RUNX2: variants seen among roughly 807,000 people sequenced by gnomAD.
RUNX2 encodes RUNX family transcription factor 2, also known as runt-related transcription factor 2.
RUNX2 carries 10 observed loss-of-function variants against 51.7 expected under a neutral mutation model. The observed-to-expected ratio is 0.19, with a 90% CI of 0.12 to 0.33. The LOEUF is 0.33. Among genes scored for constraint, RUNX2 ranks in the 10% least tolerant of loss-of-function variants. RUNX2 has a pLI of 1.00. For missense variants in RUNX2, 562 were observed against 691.3 expected (o/e 0.81, Z 2.10); for synonymous variants, 276 against 273.6 (o/e 1.01, Z -0.09).
chr6:45,351,852 C>A (rs767824286), intron 2 of RUNX2, among the ~76,000 whole-genome samples: 24 of 152,122 alleles, frequency 1.6e-4, no homozygotes, highest in Non-Finnish European at 3.1e-4. Flanking sequence ...CTGCTGAGCA[C>A]TTTGAAAAAG....
At position 45,426,171 on chromosome 6, in the gene RUNX2, T is replaced by C. The variant is rs1417218327; in HGVS notation, c.423+3214T>C. Among the ~76,000 whole-genome samples, 9 of 152,186 alleles carry C rather than the reference T, an allele frequency of 5.9e-5. No homozygotes were observed. The East Asian group carries it at 1.5e-3, about 26-fold the overall frequency. ...TTACATGTAAAAATGCAAAAACAAC[T>C]GGTATACTTTATATAAAGTTGTTTA... On this transcript the variant is annotated intron_variant, in intron 3 of 8. Transcript: ENST00000647337.
chr6:45,381,852 C>T (rs1246259218), intron 2 of RUNX2, among the ~76,000 whole-genome samples: 1 of 152,072 alleles, frequency 6.6e-6, no homozygotes, highest in Non-Finnish European at 1.5e-5. Context: ...CCCCTACCTT[C>T]CAATTGCATT....
chr6:45,479,476 T>G (rs946778228), intron 5 of RUNX2, among the ~76,000 whole-genome samples: 1 of 152,328 alleles, frequency 6.6e-6, no homozygotes, highest in African/African-American at 2.4e-5. Context: ...CCTAATTACC[T>G]GGATAGAGAC....
intron 2 of RUNX2, among the ~76,000 whole-genome samples, chr6:45,400,145 GGGAAGGAAGGAAAGAA>G (rs982307259): frequency 5.2e-5 from 7 of 133,468 alleles, no homozygotes; most frequent in South Asian, 2.7e-4. Flanking sequence ...GAGGGAGGGA[GGGAAGGAAGGAAAGAA>G]GGAAGGAAGG....
At chr6:45,386,068 CTT>C (rs112684794) in intron 2 of RUNX2, among the ~76,000 whole-genome samples, 11 of 134,938 alleles carry the variant, frequency 8.2e-5, no homozygotes, top group African/African-American at 1.1e-4. Context: ...CTTATTAGTG[CTT>C]TTTTTTTTTT....
At chr6:45,339,157 G>C (rs1411511126) in intron 2 of RUNX2, among the ~76,000 whole-genome samples, 2 of 151,938 alleles carry the variant, frequency 1.3e-5, no homozygotes, top group Admixed American at 1.3e-4. Context: ...TTGACTATAA[G>C]GCTTTAAGAA....
At chr6:45,376,011 T>C (rs1796725081) in intron 2 of RUNX2, among the ~76,000 whole-genome samples, 1 of 152,138 alleles carries the variant, frequency 6.6e-6, no homozygotes, top group Non-Finnish European at 1.5e-5. Context: ...AGAAAAAAAC[T>C]TGAATAAGAG....
chr6:45,347,808 A>G (rs1307304488), intron 2 of RUNX2, among the ~76,000 whole-genome samples: 1 of 151,982 alleles, frequency 6.6e-6, no homozygotes, highest in Admixed American at 6.5e-5. Flanking sequence ...CTGTTTGTCT[A>G]TTTATCAGAG....
chr6:45,457,757 C>A (rs770011892), intron 5 of RUNX2, among the ~76,000 whole-genome samples: 1 of 152,030 alleles, frequency 6.6e-6, no homozygotes, highest in Admixed American at 6.6e-5. Flanking sequence ...GGGAGGCTGG[C>A]CCATAGAACA....
rs563987595 is a variant in RUNX2 at position 45,422,708 on chromosome 6, A to G, written c.174A>G (p.Gln58=). ...AQQQQQQQQQ[Q]QQQQQQQQQQ... ...AGCAGCAGCAACAGCAGCAGCAGCA[A>G]CAGCAGCAGCAGCAGCAGCAACAGC... The change falls in exon 3 of 9, where the codon CAA becomes CAG. Residue 58 remains glutamine (Q), a synonymous_variant. Coordinates refer to ENST00000647337, the MANE Select transcript of RUNX2 (RefSeq NM_001024630.4). 17 of 1,583,282 alleles carry G rather than the reference A, an allele frequency of 1.1e-5. No individual in the cohort carries two copies. Among genetic ancestry groups the G allele is most frequent in the African/African-American group, 5.5e-5 (4 of 73,008 alleles).
At chr6:45,496,229 C>T (rs544806010) in intron 6 of RUNX2, among the ~76,000 whole-genome samples, 4 of 152,246 alleles carry the variant, frequency 2.6e-5, no homozygotes, top group Admixed American at 2.6e-4. Flanking sequence ...AAAAATAATG[C>T]TGATTCAGGC....
At chr6:45,488,036 G>C (rs1800335677) in intron 5 of RUNX2, among the ~76,000 whole-genome samples, 1 of 152,154 alleles carries the variant, frequency 6.6e-6, no homozygotes, top group South Asian at 2.1e-4. Flanking sequence ...TCAGGGGAGA[G>C]CACTTCAGGA....
intron 2 of RUNX2, among the ~76,000 whole-genome samples, chr6:45,419,832 T>C (rs1188852556): frequency 1.3e-5 from 2 of 149,860 alleles, no homozygotes; most frequent in Non-Finnish European, 3.0e-5. Flanking sequence ...GCGCGAAGAG[T>C]AGGTTGGGGA....
intron 7 of RUNX2, among the ~76,000 whole-genome samples, chr6:45,534,410 A>G (rs186402147): frequency 6.6e-6 from 1 of 152,284 alleles, no homozygotes; most frequent in East Asian, 1.9e-4. Flanking sequence ...TGAAGGTAAA[A>G]CCAAATGTAT....
chr6:45,371,521 C>A (rs1003545864), intron 2 of RUNX2, among the ~76,000 whole-genome samples: 4 of 151,790 alleles, frequency 2.6e-5, no homozygotes, highest in African/African-American at 7.3e-5. Context: ...TAGCAGATAA[C>A]CTGAAATATT....
At chr6:45,364,970 T>C (rs1476309603) in intron 2 of RUNX2, among the ~76,000 whole-genome samples, 1 of 152,204 alleles carries the variant, frequency 6.6e-6, no homozygotes, top group Non-Finnish European at 1.5e-5. Flanking sequence ...CATTCTATCA[T>C]TTATAAAGAT....
chr6:45,384,904 A>G (rs1240203233), intron 2 of RUNX2, among the ~76,000 whole-genome samples: 1 of 151,514 alleles, frequency 6.6e-6, no homozygotes, highest in Non-Finnish European at 1.5e-5. Flanking sequence ...GGGTCTCACT[A>G]TGTTGCCCAA....
At chr6:45,404,285 A>G (rs546454766) in intron 2 of RUNX2, among the ~76,000 whole-genome samples, 1 of 139,822 alleles carries the variant, frequency 7.2e-6, no homozygotes, top group Non-Finnish European at 1.6e-5. Flanking sequence ...GAAAAAGAAA[A>G]AAGAAAAAAA....
intron 2 of RUNX2, among the ~76,000 whole-genome samples, chr6:45,350,113 A>G (rs1791711014): frequency 6.6e-6 from 1 of 152,224 alleles, no homozygotes; most frequent in African/African-American, 2.4e-5. Flanking sequence ...CTACAAAAAC[A>G]AAAGTATTTC....
Sources: allele counts gnomAD v4.1 joint callset (sites outside exome capture counted in the v4.1 genomes callset), GRCh38; gene constraint gnomAD v4.1.1; transcripts MANE v1.5; gene names NCBI Gene and HGNC (gene_info 2026-07-23, HGNC 2026-07-21).